The following MACROD2 variants were observed in gnomAD, a reference collection of about 807,000 sequenced individuals.
MACROD2 encodes the protein ADP-ribose glycohydrolase MACROD2.
Under a neutral mutation model 70.4 loss-of-function variants are expected in MACROD2, and 36 were observed. That is an observed-to-expected ratio of 0.51 (90% CI 0.39 to 0.68). MACROD2 has a LOEUF of 0.68. Ranked by LOEUF, MACROD2 falls within the 30% of genes least tolerant of loss-of-function variation. MACROD2 has a pLI of 0.00. For synonymous variants in MACROD2, 172 were observed against 178.8 expected, an observed-to-expected ratio of 0.96 and a Z score of 0.30; for missense variants, 496 against 538.4, an observed-to-expected ratio of 0.92 and a Z score of 0.78.
At chr20:14,662,895 T>A (rs1010484914) in intron 4 of MACROD2, among the ~76,000 whole-genome samples, 1 of 150,526 alleles carries the variant, frequency 6.6e-6, no homozygotes, top group Non-Finnish European at 1.5e-5. Context: ...TAGTGTAGAT[T>A]ATTTTAACCA....
chr20:14,176,133 A>G (rs1367976325), intron 3 of MACROD2, among the ~76,000 whole-genome samples: 1 of 152,214 alleles, frequency 6.6e-6, no homozygotes, highest in African/African-American at 2.4e-5. Flanking sequence ...AGAATCCAGA[A>G]TGAATCTAAC....
At chr20:14,797,194 C>T (rs909425186) in intron 5 of MACROD2, among the ~76,000 whole-genome samples, 3 of 152,010 alleles carry the variant, frequency 2.0e-5, no homozygotes, top group African/African-American at 4.8e-5. Flanking sequence ...TAGACTGTTG[C>T]GATATCCTTC....
chr20:14,245,478 G>A (rs2081961903), intron 3 of MACROD2, among the ~76,000 whole-genome samples: 1 of 152,106 alleles, frequency 6.6e-6, no homozygotes, highest in Non-Finnish European at 1.5e-5. Flanking sequence ...GAAACTTGAA[G>A]CTCAGAGAGG....
At chr20:14,513,012 G>A (rs2085047827) in intron 4 of MACROD2, among the ~76,000 whole-genome samples, 1 of 152,080 alleles carries the variant, frequency 6.6e-6, no homozygotes, top group Non-Finnish European at 1.5e-5. Flanking sequence ...ACATCGAGAA[G>A]CCATTCAAAC....
chr20:15,634,889 G>A (rs1462856818), intron 8 of MACROD2, among the ~76,000 whole-genome samples: 1 of 152,210 alleles, frequency 6.6e-6, no homozygotes, highest in Non-Finnish European at 1.5e-5. Flanking sequence ...TTAAGGCAAA[G>A]GCCATCTTCT....
intron 6 of MACROD2, among the ~76,000 whole-genome samples, chr20:15,410,565 A>G (rs2046062998): frequency 6.6e-6 from 1 of 152,204 alleles, no homozygotes; most frequent in Non-Finnish European, 1.5e-5. Flanking sequence ...AGTGGCGACA[A>G]TACATAGAGG....
intron 15 of MACROD2, among the ~76,000 whole-genome samples, chr20:16,002,025 A>G (rs1257470972): frequency 6.8e-6 from 1 of 147,814 alleles, no homozygotes; most frequent in Non-Finnish European, 1.5e-5. Flanking sequence ...AAATATAGTT[A>G]TATAATATAA....
At chr20:14,098,523 G>T (rs562667667) in intron 3 of MACROD2, among the ~76,000 whole-genome samples, 1 of 152,146 alleles carries the variant, frequency 6.6e-6, no homozygotes, top group South Asian at 2.1e-4. Flanking sequence ...CATGATTTAA[G>T]AATAATTGAT....
intron 5 of MACROD2, among the ~76,000 whole-genome samples, chr20:15,112,975 TG>T: frequency 6.6e-6 from 1 of 151,856 alleles, no homozygotes; most frequent in Admixed American, 6.6e-5. Context: ...TGTGTGTGTG[TG>T]TGTGTTTGTG....
intron 4 of MACROD2, among the ~76,000 whole-genome samples, chr20:14,546,702 T>G (rs2085494592): frequency 6.6e-6 from 1 of 152,122 alleles, no homozygotes; most frequent in African/African-American, 2.4e-5. Context: ...GCTAAACTCC[T>G]TCAGTTAGCC....
intron 3 of MACROD2, among the ~76,000 whole-genome samples, chr20:14,134,568 A>G (rs2054765269): frequency 6.6e-6 from 1 of 152,142 alleles, no homozygotes; most frequent in Admixed American, 6.5e-5. Context: ...GCACTTTGGG[A>G]GGCCGAGGCG....
At chr20:14,030,825 A>C (rs1431997587) in intron 2 of MACROD2, among the ~76,000 whole-genome samples, 1 of 152,112 alleles carries the variant, frequency 6.6e-6, no homozygotes, top group East Asian at 1.9e-4. Context: ...TGAATGAAGA[A>C]TTTTCTGATC....
At chr20:14,243,607 T>A (rs1042710682) in intron 3 of MACROD2, among the ~76,000 whole-genome samples, 2 of 152,192 alleles carry the variant, frequency 1.3e-5, no homozygotes, top group East Asian at 3.8e-4. Flanking sequence ...CCCTTGGGAT[T>A]TCTGACATTG....
intron 5 of MACROD2, among the ~76,000 whole-genome samples, chr20:15,172,059 T>C (rs1300764385): frequency 6.6e-6 from 1 of 152,242 alleles, no homozygotes; most frequent in Non-Finnish European, 1.5e-5. Context: ...TTAATTTTTT[T>C]CTTAAAAGAC....
intron 5 of MACROD2, among the ~76,000 whole-genome samples, chr20:14,988,232 C>G (rs897691147): frequency 6.6e-6 from 1 of 151,348 alleles, no homozygotes; most frequent in African/African-American, 2.4e-5. Context: ...GGCGAGGTGG[C>G]GTACACCTAT....
intron 6 of MACROD2, among the ~76,000 whole-genome samples, chr20:15,281,470 A>G (rs2077443678): frequency 1.3e-5 from 2 of 152,206 alleles, no homozygotes; most frequent in Admixed American, 1.3e-4. Context: ...GGATAAATGC[A>G]CCCATTCCAA....
In MACROD2 at chr20:15,653,263, T is replaced by C. The variant is rs567496653; in HGVS notation, c.645+153416T>C. Among the ~76,000 whole-genome samples, 15 of 152,324 alleles carry C rather than the reference T, an allele frequency of 9.8e-5. No individual in the cohort carries two copies. In the South Asian group the frequency reaches 2.9e-3, roughly 29 times the overall value. ...GCTATGTCTTTTATTCAATAAATAA[T>C]TTTTGGTCACTTATTCATGACATCG... On this transcript the variant is annotated intron_variant, in intron 8 of 17. Coordinates refer to ENST00000684519, the MANE Select transcript of MACROD2 (RefSeq NM_001351661.2).
chr20:14,200,601 A>G (rs751297746), intron 3 of MACROD2, among the ~76,000 whole-genome samples: 7 of 152,202 alleles, frequency 4.6e-5, no homozygotes, highest in Non-Finnish European at 8.8e-5. Context: ...GTTCCTAGAA[A>G]TAAAATTACT....
In MACROD2 at chr20:14,026,174, T is replaced by A. The variant is rs117924110; in HGVS notation, c.163+23770T>A. On this transcript the variant is annotated intron_variant, in intron 2 of 17. Transcript: ENST00000684519. ...AGAGACTAGGATTGCAACCCCTGTT[T>A]TATTTTTTTGCTTTCCATTTGCTCG... Among the ~76,000 whole-genome samples, 349 of 152,304 alleles carry A rather than the reference T, an allele frequency of 2.3e-3. 7 individuals are homozygous for A. The East Asian group carries it at 0.058, about 25-fold the overall frequency.
Sources: allele counts gnomAD v4.1 joint callset (sites outside exome capture counted in the v4.1 genomes callset), GRCh38; gene constraint gnomAD v4.1.1; transcripts MANE v1.5; gene names NCBI Gene and HGNC (gene_info 2026-07-23, HGNC 2026-07-21).